CASQ2: variants seen among roughly 807,000 people sequenced by gnomAD.
CASQ2 encodes the protein calsequestrin-2.
In CASQ2, 49 loss-of-function variants were observed where a neutral mutation model predicts 46.5. That is an observed-to-expected ratio of 1.05 (90% confidence interval 0.84 to 1.34). The LOEUF (loss-of-function observed/expected upper bound fraction) is 1.34, where lower values mean the gene tolerates loss of function less well. Ranked by LOEUF, CASQ2 falls within the 40% of genes most tolerant of loss-of-function variation. CASQ2 has a pLI of 0.00. For missense variants in CASQ2, 486 were observed against 481.3 expected (o/e 1.01, Z -0.09); for synonymous variants, 174 against 168.5 (o/e 1.03, Z -0.25).
Position 115,705,759 on chromosome 1 carries a change from C to T in CASQ2, c.839-467G>A, listed in dbSNP as rs558460182. On this transcript the variant is annotated intron_variant, in intron 8 of 10. Coordinates refer to ENST00000261448, the MANE Select transcript of CASQ2 (RefSeq NM_001232.4). ...GAATTGCTAAAACCTTCAAACCAAA[C>T]GAGCTTCTGATTTACAGTTGGTTTC... is the stretch of plus-strand genomic sequence containing the variant. Among the ~76,000 whole-genome samples, 9 of 152,286 alleles carry T rather than the reference C, an allele frequency of 5.9e-5. No individual in the cohort carries two copies. In the South Asian group the frequency reaches 1.5e-3, roughly 25 times the overall value.
At chr1:115,722,451 T>C (rs1325101286) in intron 7 of CASQ2, among the ~76,000 whole-genome samples, 1 of 152,228 alleles carries the variant, frequency 6.6e-6, no homozygotes, top group Non-Finnish European at 1.5e-5. Context: ...GGAGTATTTC[T>C]GTAGCAGTGT....
rs201559752 is a variant in CASQ2 at position 115,738,355 on chromosome 1, T to A, written c.421-20A>T. The A allele has an allele frequency of 6.9e-5, 95 of 1,376,638 alleles. 1 individual carries two copies. The East Asian group carries it at 2.1e-3, about 30-fold the overall frequency. The allele number at this position is 1,376,638 out of a possible 1,614,324, so 85.3% of individuals were successfully genotyped here. ...AATTAGCTGAAATGCCACACGCACA[T>A]ACACACATGTTCAAACAAGAGATTT... On this transcript the variant is annotated intron_variant, in intron 3 of 10. Transcript: ENST00000261448.
chr1:115,758,565 G>A (rs1037542483), intron 1 of CASQ2, among the ~76,000 whole-genome samples: 1 of 152,142 alleles, frequency 6.6e-6, no homozygotes, highest in African/African-American at 2.4e-5. Context: ...TTGGAGGTGG[G>A]GCCTAATGGG....
intron 1 of CASQ2, 86 bp downstream of exon 1, chr1:115,768,222 C>T (rs997283374): frequency 2.1e-5 from 18 of 872,338 alleles, no homozygotes; most frequent in Middle Eastern, 2.1e-4. Flanking sequence ...TCTGCATCCT[C>T]GTTCCCATAT....
chr1:115,763,386 G>T (rs112418993), intron 1 of CASQ2, among the ~76,000 whole-genome samples: 2,193 of 152,130 alleles, frequency 0.014, 20 homozygotes, highest in Non-Finnish European at 0.024. Flanking sequence ...AGCGACCTGT[G>T]ACCGCTGGCA....
chr1:115,707,032 G>A (rs1570797848), intron 8 of CASQ2, among the ~76,000 whole-genome samples: 1 of 134,640 alleles, frequency 7.4e-6, no homozygotes, highest in Non-Finnish European at 1.6e-5. Context: ...TGGAGAAATA[G>A]TTCCTTTTTT....
intron 1 of CASQ2, among the ~76,000 whole-genome samples, chr1:115,764,075 G>A (rs1649046657): frequency 6.6e-6 from 1 of 151,468 alleles, no homozygotes; most frequent in South Asian, 2.1e-4. Context: ...AGAAAAATGA[G>A]AAAAGGCATA....
At chr1:115,728,575 A>G (rs372065260) in intron 5 of CASQ2, among the ~76,000 whole-genome samples, 2 of 152,336 alleles carry the variant, frequency 1.3e-5, no homozygotes, top group African/African-American at 4.8e-5. Context: ...TCTAGGAACC[A>G]GAAGACTGTT....
chr1:115,744,077 G>A (rs527466439), intron 2 of CASQ2, among the ~76,000 whole-genome samples: 1 of 151,564 alleles, frequency 6.6e-6, no homozygotes, highest in Non-Finnish European at 1.5e-5. Context: ...CCAGGAGGCA[G>A]AGGTTGCAGT....
At chr1:115,749,849 G>A (rs1648516463) in intron 1 of CASQ2, among the ~76,000 whole-genome samples, 1 of 152,184 alleles carries the variant, frequency 6.6e-6, no homozygotes, top group South Asian at 2.1e-4. Context: ...TGCATTCTCA[G>A]GTCGCTACCA....
chr1:115,714,401 A>G (rs1265007785), intron 8 of CASQ2, among the ~76,000 whole-genome samples: 2 of 152,172 alleles, frequency 1.3e-5, no homozygotes, highest in African/African-American at 2.4e-5. Context: ...TAGAATAATA[A>G]TCATCATGCA....
chr1:115,719,128 A>C (rs1647279256), intron 7 of CASQ2, among the ~76,000 whole-genome samples: 2 of 152,232 alleles, frequency 1.3e-5, no homozygotes, highest in Non-Finnish European at 2.9e-5. Flanking sequence ...GGAATGGACA[A>C]AGCCTCCACA....
intron 1 of CASQ2, 145 bp downstream of exon 1, chr1:115,768,163 G>C: frequency 1.5e-6 from 1 of 683,066 alleles, no homozygotes; most frequent in Middle Eastern, 3.3e-4. Context: ...TGTGACAAGG[G>C]CATCTGATTC....
intron 1 of CASQ2, among the ~76,000 whole-genome samples, chr1:115,760,668 T>G (rs1648905406): frequency 6.6e-6 from 1 of 152,196 alleles, no homozygotes; most frequent in Non-Finnish European, 1.5e-5. Context: ...GACATCAGCC[T>G]TTACCCAGTG....
chr1:115,724,479 C>T (rs1647502652), intron 7 of CASQ2, among the ~76,000 whole-genome samples: 1 of 152,124 alleles, frequency 6.6e-6, no homozygotes, highest in Non-Finnish European at 1.5e-5. Flanking sequence ...ATTAATAATA[C>T]TTGTTCTACA....
chr1:115,727,162 T>A, intron 5 of CASQ2, 40 bp from the exon 6 acceptor site: 1 of 1,424,252 alleles, frequency 7.0e-7, no homozygotes, highest in Non-Finnish European at 9.9e-7. Context: ...ATTTGAATAC[T>A]AGTCTAGAAT....
intron 1 of CASQ2, among the ~76,000 whole-genome samples, chr1:115,757,229 C>A (rs963883087): frequency 6.6e-6 from 1 of 152,172 alleles, no homozygotes; most frequent in South Asian, 2.1e-4. Flanking sequence ...GTTCTTTTAC[C>A]GTCTCACTCC....
chr1:115,701,456 G>T, intron 10 of CASQ2, 30 bp from the exon 11 acceptor site: 1 of 1,426,958 alleles, frequency 7.0e-7, no homozygotes, highest in Non-Finnish European at 9.9e-7. Context: ...GAATGAGTGG[G>T]TAAATGCATG....
chr1:115,704,648 C>A (rs2101055351), intron 9 of CASQ2, among the ~76,000 whole-genome samples: 1 of 152,200 alleles, frequency 6.6e-6, no homozygotes, highest in South Asian at 2.1e-4. Context: ...AGTTTCGGGC[C>A]ATTGATCATG....
Sources: allele counts gnomAD v4.1 joint callset (sites outside exome capture counted in the v4.1 genomes callset), GRCh38; gene constraint gnomAD v4.1.1; transcripts MANE v1.5; gene names NCBI Gene and HGNC (gene_info 2026-07-23, HGNC 2026-07-21).